The following SLC22A5 variants were observed in gnomAD, a reference collection of about 807,000 sequenced individuals.
SLC22A5 encodes the protein solute carrier family 22 member 5.
A neutral mutation model predicts 56.7 loss-of-function variants in SLC22A5; 44 were observed. The ratio of observed to expected loss-of-function variants is 0.78; its 90% confidence interval spans 0.61 to 1.00. SLC22A5 has a LOEUF of 1.00. SLC22A5 is among the 50% of genes least tolerant of loss of function. The pLI is 0.00. For missense variants in SLC22A5, 675 were observed against 723.0 expected, an observed-to-expected ratio of 0.93 and a Z score of 0.76; for synonymous variants, 278 against 292.1, an observed-to-expected ratio of 0.95 and a Z score of 0.49.
Position 132,369,818 on chromosome 5 carries a change from G to A in SLC22A5, c.-155G>A. 2 of 941,372 alleles carry A rather than the reference G, an allele frequency of 2.1e-6. No individual in the cohort carries two copies. Among genetic ancestry groups the A allele is most frequent in the Non-Finnish European group, 3.0e-6 (2 of 658,670 alleles). The allele number at this position is 941,372 out of a possible 1,614,324, so 58.3% of individuals were successfully genotyped here. A position where few individuals can be genotyped will look rare whatever the true frequency, so the allele number is the denominator to read the frequency against. ...TAAGGCCAGCCGCGGCAGGACCAAG[G>A]CGGCGGTGTCAGCTCGCGAGCCTAC... On this transcript the variant is annotated 5_prime_UTR_variant, in exon 1 of 10. Transcript: ENST00000245407.
Position 132,394,305 on chromosome 5 carries a change from A to G in SLC22A5, c.*33A>G, listed in dbSNP as rs776630689. 3 of 1,484,812 alleles carry G rather than the reference A, an allele frequency of 2.0e-6. No individual in the cohort carries two copies. Among genetic ancestry groups the G allele is most frequent in the Admixed American group, 3.3e-5 (2 of 59,864 alleles). The allele number at this position is 1,484,812 out of a possible 1,614,324, so 92.0% of individuals were successfully genotyped here. A position where few individuals can be genotyped will look rare whatever the true frequency, so the allele number is the denominator to read the frequency against. On this transcript the variant is annotated 3_prime_UTR_variant, in exon 10 of 10. Coordinates refer to ENST00000245407, the MANE Select transcript of SLC22A5 (RefSeq NM_003060.4). ...TCCAGTAAGGGAGAAACTGAAGAGG[A>G]AAGACTGTCTTGCCAGAAATGGCCA...
At chr5:132,373,579 T>C (rs1752017801) in intron 1 of SLC22A5, among the ~76,000 whole-genome samples, 1 of 151,998 alleles carries the variant, frequency 6.6e-6, no homozygotes, top group African/African-American at 2.4e-5. Flanking sequence ...GGCTTTGCAG[T>C]GAACCGAGAT....
intron 4 of SLC22A5, among the ~76,000 whole-genome samples, chr5:132,385,959 A>G (rs147089968): frequency 6.2e-4 from 95 of 152,368 alleles, no homozygotes; most frequent in African/African-American, 2.2e-3. Flanking sequence ...AGAAGAGGCC[A>G]TTCCAGACCA....
chr5:132,384,106 C>G, intron 2 of SLC22A5, 41 bp from the exon 3 acceptor site: 1 of 1,611,508 alleles, frequency 6.2e-7, no homozygotes, highest in Non-Finnish European at 8.5e-7. Context: ...TCCTGCTGCC[C>G]TTTTCCAGCT....
chr5:132,378,406 A>G lies in SLC22A5; in HGVS notation c.422A>G (p.Lys141Arg), dbSNP rs1364819364. The change falls in exon 2 of 10, where the codon AAG becomes AGG. Residue 141 changes from lysine (K) to arginine (R), a missense_variant. Coordinates refer to ENST00000245407, the MANE Select transcript of SLC22A5 (RefSeq NM_003060.4). ...EWNLVCEDDW[K>R]APLTISLFFV... ...AACCTGGTGTGTGAGGACGACTGGA[A>G]GGCCCCACTCACAATCTCCTTGTTC... is the stretch of plus-strand genomic sequence containing the variant. 6 of 1,614,058 alleles carry G rather than the reference A, an allele frequency of 3.7e-6. No individual in the cohort carries two copies. The highest frequency in any genetic ancestry group is 5.1e-6 in the Non-Finnish European group (6 of 1,180,000).
At position 132,394,241 on chromosome 5, in the gene SLC22A5, G is replaced by A. The variant is rs150775371; in HGVS notation, c.1643G>A (p.Arg548Lys). ...AGGATGTTAAAAGATGGTCAAGAAA[G>A]GCCCACAATCCTTAAAAGCACAGCC... ...HTRMLKDGQE[R>K]PTILKSTAF The change falls in exon 10 of 10, where the codon AGG becomes AAG. Residue 548 changes from arginine to lysine, a missense_variant. Physicochemically the swap from Arg to Lys is conservative, Grantham distance 26. Transcript: ENST00000245407. 468 of 1,613,236 alleles carry A rather than the reference G, an allele frequency of 2.9e-4. 1 individual carries two copies. The highest frequency in any genetic ancestry group is 3.7e-4 in the Non-Finnish European group (440 of 1,179,266).
At chr5:132,391,116 G>T (rs540192629) in intron 7 of SLC22A5, among the ~76,000 whole-genome samples, 1 of 152,348 alleles carries the variant, frequency 6.6e-6, no homozygotes, top group African/African-American at 2.4e-5. Flanking sequence ...AGCCATTGGG[G>T]CTGTTGGTTA....
At chr5:132,375,686 T>G (rs746840524) in intron 1 of SLC22A5, among the ~76,000 whole-genome samples, 1 of 152,198 alleles carries the variant, frequency 6.6e-6, no homozygotes, top group Non-Finnish European at 1.5e-5. Context: ...GCATGCAATT[T>G]GGCACACATG....
intron 2 of SLC22A5, 103 bp from the exon 3 acceptor site, chr5:132,384,044 C>A: frequency 8.6e-7 from 1 of 1,161,358 alleles, no homozygotes; most frequent in Non-Finnish European, 1.3e-6. Flanking sequence ...CAACACTGTT[C>A]ACACCCACTT....
intron 2 of SLC22A5, 39 bp downstream of exon 2, chr5:132,378,520 C>A: frequency 6.9e-7 from 1 of 1,449,554 alleles, no homozygotes; most frequent in Non-Finnish European, 9.7e-7. Flanking sequence ...GGGACCTCAG[C>A]ACTGAGGAAG....
In SLC22A5 at chr5:132,370,317, T is replaced by C. The variant is rs1351844539; in HGVS notation, c.345T>C (p.Asp115=). The stretch of plus-strand genomic sequence containing the variant: ...AGCTGGAGCAGGAGAGCTGTCTGGA[T>C]GGCTGGGAGTTCAGTCAGGACGTCT... ...LGQLEQESCL[D]GWEFSQDVYL... is the part of the protein sequence containing the mutation. Residue 115 remains aspartate, a synonymous_variant, in exon 1 of 10, where the codon GAT becomes GAC. Coordinates refer to ENST00000245407, the MANE Select transcript of SLC22A5 (RefSeq NM_003060.4). The C allele has an allele frequency of 3.7e-6, 6 of 1,611,824 alleles. No individual in the cohort carries two copies. Among genetic ancestry groups the C allele is most frequent in the African/African-American group, 2.7e-5 (2 of 75,052 alleles).
chr5:132,375,388 CAT>C (rs1182562365), intron 1 of SLC22A5, among the ~76,000 whole-genome samples: 3 of 152,192 alleles, frequency 2.0e-5, no homozygotes, highest in Admixed American at 1.3e-4. Flanking sequence ...CAATCAGTAA[CAT>C]GTGGTACCTA....
At position 132,370,147 on chromosome 5, in the gene SLC22A5, A is replaced by G. The variant is rs1273557402; in HGVS notation, c.175A>G (p.Ser59Gly). 1 of 1,609,388 alleles carries G rather than the reference A, an allele frequency of 6.2e-7. No individual in the cohort carries two copies. Among genetic ancestry groups the G allele is most frequent in the Non-Finnish European group, 8.5e-7 (1 of 1,178,330 alleles). ...CCGGGTGCCGGACGCCGCGAACCTGAGCAGCGCCTGGCGCAACCACACTGT... is the reference window on the plus strand; with the variant it reads ...CCGGGTGCCGGACGCCGCGAACCTGGGCAGCGCCTGGCGCAACCACACTGT... ...RCRVPDAANL[S>G]SAWRNHTVPL... is the part of the protein sequence containing the mutation. The change falls in exon 1 of 10, where the codon AGC becomes GGC. Residue 59 changes from serine to glycine, a missense_variant. Coordinates refer to ENST00000245407, the MANE Select transcript of SLC22A5 (RefSeq NM_003060.4).
chr5:132,387,605 A>G (rs1752578164), intron 5 of SLC22A5, among the ~76,000 whole-genome samples: 2 of 152,176 alleles, frequency 1.3e-5, no homozygotes. Flanking sequence ...CTTGAGTATT[A>G]GCAATTATTC....
Position 132,395,187 on chromosome 5 carries a change from G to C in SLC22A5, c.*915G>C, listed in dbSNP as rs888831283. 1.3e-5 allele frequency: 2 copies of C among 150,132 alleles called. No homozygotes were observed. The highest frequency in any genetic ancestry group is 4.9e-5 in the African/African-American group (2 of 40,668). The allele number at this position is 150,132 out of a possible 1,614,324, so 9.3% of individuals were successfully genotyped here. A position where few individuals can be genotyped will look rare whatever the true frequency, so the allele number is the denominator to read the frequency against. On this transcript the variant is annotated 3_prime_UTR_variant, in exon 10 of 10. Transcript: ENST00000245407. ...TTCAGAATGCACTTGGGAAAGGCTG[G>C]TTCCTTAGCCTCCTGGTTTGTGTCT...
chr5:132,390,960 C>A, intron 7 of SLC22A5, 56 bp downstream of exon 7: 2 of 1,367,602 alleles, frequency 1.5e-6, no homozygotes, highest in Non-Finnish European at 2.1e-6. Flanking sequence ...TTACTGTCTA[C>A]CAGGCTGTCT....
chr5:132,390,795 A>T lies in SLC22A5; in HGVS notation c.1158A>T (p.Ala386=). The T allele has an allele frequency of 6.2e-7, 1 of 1,614,240 alleles. No homozygotes were observed. The highest frequency in any genetic ancestry group is 8.5e-7 in the Non-Finnish European group (1 of 1,180,042). ...CFLSAMVEVP[A]YVLAWLLLQY... The stretch of plus-strand genomic sequence containing the variant: ...TTTCAGCGATGGTTGAAGTCCCAGC[A>T]TATGTGTTGGCCTGGCTGCTGCTGC... The change falls in exon 7 of 10, where the codon GCA becomes GCT. Residue 386 remains alanine (A), a synonymous_variant. Coordinates refer to ENST00000245407, the MANE Select transcript of SLC22A5 (RefSeq NM_003060.4).
Position 132,370,363 on chromosome 5 carries a change from G to C in SLC22A5, c.391G>C (p.Glu131Gln). Reference protein sequence around the residue: ...QDVYLSTIVTEWNLVCEDDWK... With the variant: ...QDVYLSTIVTQWNLVCEDDWK... ...CGTCTACCTGTCCACCATTGTGACCGAGGTGGGTGCCGGCCCCTGCTGGGG... is the reference window on the plus strand; with the variant it reads ...CGTCTACCTGTCCACCATTGTGACCCAGGTGGGTGCCGGCCCCTGCTGGGG... The change falls in exon 1 of 10, where the codon GAG becomes CAG. Residue 131 changes from glutamate (E) to glutamine (Q), a missense_variant and splice_region_variant. Transcript: ENST00000245407. 2 of 1,611,986 alleles carry C rather than the reference G, an allele frequency of 1.2e-6. No individual in the cohort carries two copies. Among genetic ancestry groups the C allele is most frequent in the Non-Finnish European group, 1.7e-6 (2 of 1,179,676 alleles).
intron 5 of SLC22A5, among the ~76,000 whole-genome samples, chr5:132,388,399 G>A (rs766879638): frequency 3.9e-5 from 6 of 152,186 alleles, no homozygotes; most frequent in Non-Finnish European, 7.3e-5. Context: ...TTCATAGGAA[G>A]TCACTCTGGG....
Sources: allele counts gnomAD v4.1 joint callset (sites outside exome capture counted in the v4.1 genomes callset), GRCh38; gene constraint gnomAD v4.1.1; transcripts MANE v1.5; gene names NCBI Gene and HGNC (gene_info 2026-07-23, HGNC 2026-07-21).